The following BANP variants were observed in gnomAD, a reference collection of about 807,000 sequenced individuals.
BANP encodes the protein protein BANP.
In BANP, 11 loss-of-function variants were observed where a neutral mutation model predicts 68.1. The observed-to-expected ratio is 0.16, with a 90% confidence interval of 0.10 to 0.27. The LOEUF (loss-of-function observed/expected upper bound fraction) is 0.27. Among genes scored for constraint, BANP ranks in the 10% least tolerant of loss-of-function variants. BANP has a pLI of 1.00. For synonymous variants in BANP, 329 were observed against 303.2 expected (o/e 1.09, Z -0.88); for missense variants, 504 against 722.7 (o/e 0.70, Z 3.47).
chr16:88,042,659 G>A (rs2081109619), intron 11 of BANP, among the ~76,000 whole-genome samples: 1 of 152,004 alleles, frequency 6.6e-6, no homozygotes, highest in African/African-American at 2.4e-5. Context: ...GCTCACACCT[G>A]TAATCCCAGT....
chr16:88,062,735 G>A (rs1042356603), intron 11 of BANP, among the ~76,000 whole-genome samples: 1 of 152,196 alleles, frequency 6.6e-6, no homozygotes, highest in Non-Finnish European at 1.5e-5. Flanking sequence ...TCAGACTGGG[G>A]CCCTGCTCCA....
rs530671215 is a variant in BANP at position 87,957,205 on chromosome 16, G to A, written c.-69+5690G>A. On this transcript the variant is annotated intron_variant, in intron 1 of 13. Coordinates refer to ENST00000682872, the MANE Select transcript of BANP (RefSeq NM_001386991.1). This position sits in a 1 kb window ranked among gnomAD's most constrained non-coding sequence, Gnocchi z 4.3. ...CATGGGAGGTGTCTCTCTGGGGAAG[G>A]GGTCAGTGGTGGTGGAGGATGGCGC... The A allele has an allele frequency of 6.6e-6, 1 of 152,368 alleles. No individual in the cohort carries two copies. The highest frequency in any genetic ancestry group is 1.5e-5 in the Non-Finnish European group (1 of 68,074). The allele number at this position is 152,368 out of a possible 1,614,324, so 9.4% of individuals were successfully genotyped here. A position where few individuals can be genotyped will look rare whatever the true frequency, so the allele number is the denominator to read the frequency against.
At chr16:87,954,941 G>A (rs753385907) in intron 1 of BANP, among the ~76,000 whole-genome samples, 37 of 152,252 alleles carry the variant, frequency 2.4e-4, no homozygotes, top group Non-Finnish European at 4.3e-4. Context: ...AACGGGGTGA[G>A]GTGCCAAGCC....
chr16:88,037,887 G>A, intron 10 of BANP, 86 bp from the exon 11 acceptor site: 6 of 1,347,072 alleles, frequency 4.5e-6, no homozygotes, highest in Non-Finnish European at 6.4e-6. Flanking sequence ...CAAGTGGCCT[G>A]TGATGTGTCT....
At chr16:88,055,989 A>G (rs924066649) in intron 11 of BANP, among the ~76,000 whole-genome samples, 3 of 152,182 alleles carry the variant, frequency 2.0e-5, no homozygotes, top group Non-Finnish European at 4.4e-5. Context: ...ACCCCCTGGG[A>G]AAGGTGTGGA....
intron 4 of BANP, among the ~76,000 whole-genome samples, chr16:87,996,866 C>G (rs1435301987): frequency 6.6e-6 from 1 of 152,178 alleles, no homozygotes; most frequent in Non-Finnish European, 1.5e-5. Context: ...AGTTTAAATA[C>G]TTCATTTCTC....
chr16:88,008,409 G>T (rs920939588), intron 6 of BANP, among the ~76,000 whole-genome samples: 2 of 152,200 alleles, frequency 1.3e-5, no homozygotes, highest in Admixed American at 1.3e-4. Context: ...AAATCACATT[G>T]CAGTAACGAC....
At chr16:87,960,360 TGG>T (rs1239761075) in intron 1 of BANP, among the ~76,000 whole-genome samples, 2 of 152,130 alleles carry the variant, frequency 1.3e-5, no homozygotes, top group Non-Finnish European at 2.9e-5. Context: ...CACTTGAGGA[TGG>T]GCTTGGGTGA....
At position 88,035,379 on chromosome 16, in the gene BANP, C is replaced by G. The variant is rs760736433; in HGVS notation, c.1257C>G (p.Ile419Met). Reference protein sequence around the residue: ...AQVPQGEQVQITQDSEGNLQI... With the variant: ...AQVPQGEQVQMTQDSEGNLQI... ...TGCCGCAGGGGGAGCAAGTCCAGAT[C>G]ACGCAGGACAGCGAGGTGAGTCAGC... The change falls in exon 10 of 14, where the codon ATC becomes ATG. Residue 419 changes from isoleucine (I) to methionine (M), a missense_variant. Coordinates refer to ENST00000682872, the MANE Select transcript of BANP (RefSeq NM_001386991.1). 6.2e-7 allele frequency: 1 copy of G among 1,610,806 alleles called. No individual in the cohort carries two copies. Among genetic ancestry groups the G allele is most frequent in the African/African-American group, 1.3e-5 (1 of 74,894 alleles).
At chr16:87,973,768 A>AAAAAAAGAAAG (rs1555544112) in intron 1 of BANP, among the ~76,000 whole-genome samples, 2,130 of 103,990 alleles carry the variant, frequency 0.02, 15 homozygotes, top group East Asian at 0.052. Flanking sequence ...AAAAAAAAAA[A>AAAAAAAGAAAG]AAAAAAGAAA....
Position 87,978,194 on chromosome 16 carries a change from C to G in BANP, c.71-2842C>G, listed in dbSNP as rs1402554597. On this transcript the variant is annotated intron_variant, in intron 2 of 13. Coordinates refer to ENST00000682872, the MANE Select transcript of BANP (RefSeq NM_001386991.1). ...CTTTTGTCGAATTCTAAAAGTAATG[C>G]ATACAGAATTATAGAAAGGAACACA... Among the ~76,000 whole-genome samples, 15 of 152,142 alleles carry G rather than the reference C, an allele frequency of 9.9e-5. No individual in the cohort carries two copies. The East Asian group carries it at 2.9e-3, about 29-fold the overall frequency.
intron 7 of BANP, among the ~76,000 whole-genome samples, chr16:88,025,748 T>C (rs773666915): frequency 4.9e-4 from 75 of 152,192 alleles, no homozygotes; most frequent in South Asian, 8.3e-4. Flanking sequence ...TTTAATTATT[T>C]CCACCATTTT....
intron 1 of BANP, among the ~76,000 whole-genome samples, chr16:87,965,049 C>T (rs376040368): frequency 2.0e-5 from 3 of 152,256 alleles, no homozygotes; most frequent in South Asian, 4.1e-4. Flanking sequence ...GTATCTGAAG[C>T]CACAGACTGA....
chr16:87,987,323 C>T (rs548862416), intron 4 of BANP, among the ~76,000 whole-genome samples: 36 of 152,322 alleles, frequency 2.4e-4, no homozygotes, highest in African/African-American at 8.4e-4. Context: ...AGGTGATCTG[C>T]CTGCCTCGGC....
At chr16:88,048,693 T>G (rs958739265) in intron 11 of BANP, among the ~76,000 whole-genome samples, 1 of 151,398 alleles carries the variant, frequency 6.6e-6, no homozygotes, top group Non-Finnish European at 1.5e-5. Flanking sequence ...CACAACAGAT[T>G]AAAGAAAGGA....
intron 7 of BANP, among the ~76,000 whole-genome samples, chr16:88,019,517 A>G (rs910525787): frequency 2.6e-4 from 37 of 140,652 alleles, no homozygotes; most frequent in Middle Eastern, 3.7e-3. Flanking sequence ...CAGAGCATTC[A>G]GCGTCCAGGA....
intron 11 of BANP, among the ~76,000 whole-genome samples, chr16:88,038,248 C>G (rs1409559120): frequency 6.6e-6 from 1 of 152,124 alleles, no homozygotes; most frequent in Non-Finnish European, 1.5e-5. Context: ...GCCACAGTCC[C>G]CCTCTCACAT....
chr16:88,059,891 T>C (rs978542312), intron 11 of BANP, among the ~76,000 whole-genome samples: 2 of 152,236 alleles, frequency 1.3e-5, no homozygotes, highest in African/African-American at 4.8e-5. Context: ...TGGAGTCACC[T>C]GGAGCCACGG....
chr16:87,998,900 ACCAGG>A (rs2068150759), intron 4 of BANP, among the ~76,000 whole-genome samples: 1 of 74,550 alleles, frequency 1.3e-5, no homozygotes. Context: ...GGCTGTACTT[ACCAGG>A]CCTTCCAGAC....
Sources: allele counts gnomAD v4.1 joint callset (sites outside exome capture counted in the v4.1 genomes callset), GRCh38; gene constraint gnomAD v4.1.1; non-coding constraint Gnocchi (gnomAD v3.1); transcripts MANE v1.5; gene names NCBI Gene and HGNC (gene_info 2026-07-23, HGNC 2026-07-21).